Variants in BRDT observed in about 807,000 individuals in gnomAD.
BRDT encodes bromodomain testis associated.
In BRDT, 77 loss-of-function variants were observed where a neutral mutation model predicts 113.9. That is an observed-to-expected ratio of 0.68 (90% confidence interval 0.56 to 0.82). The LOEUF (loss-of-function observed/expected upper bound fraction) is 0.82. BRDT is among the 40% of genes least tolerant of loss of function. The pLI is 0.00. For synonymous variants in BRDT, 358 were observed against 366.5 expected (o/e 0.98, Z 0.26); for missense variants, 1,027 against 1,105.4 (o/e 0.93, Z 1.01).
intron 3 of BRDT, 47 bp from the exon 4 acceptor site, chr1:91,968,099 A>C: frequency 6.3e-7 from 1 of 1,591,104 alleles, no homozygotes; most frequent in Non-Finnish European, 8.6e-7. Context: ...CATTTGGTAC[A>C]GTGACCATAC....
At chr1:91,964,862 C>A in intron 3 of BRDT, 98 bp downstream of exon 3, 7 of 767,936 alleles carry the variant, frequency 9.1e-6, no homozygotes, top group East Asian at 3.4e-5. Context: ...CAATTCTCTT[C>A]GTTTGAGATA....
In BRDT at chr1:91,994,271, TA is replaced by T; in HGVS notation, c.2287+20del. The T allele has an allele frequency of 6.4e-7, 1 of 1,571,292 alleles. No individual in the cohort carries two copies. The highest frequency in any genetic ancestry group is 1.2e-5 in the South Asian group (1 of 85,682). On this transcript the variant is annotated intron_variant, in intron 15 of 18. Transcript: ENST00000399546. ...CTCCCTCAGGTAAGAAATTAACAAG[TA>T]AACAACTGTTATTGAGAAATTGACT... is the stretch of plus-strand genomic sequence containing the variant.
At chr1:92,009,956 G>A (rs1362382351) in intron 18 of BRDT, among the ~76,000 whole-genome samples, 4 of 151,992 alleles carry the variant, frequency 2.6e-5, no homozygotes, top group African/African-American at 9.7e-5. Flanking sequence ...AAAGGTACTT[G>A]TTCACTGTCT....
chr1:92,009,511 A>G (rs1194046483), intron 18 of BRDT, among the ~76,000 whole-genome samples: 1 of 150,520 alleles, frequency 6.6e-6, no homozygotes, highest in Non-Finnish European at 1.5e-5. Context: ...TAAAGCTGCC[A>G]TAAACATTTG....
intron 1 of BRDT, among the ~76,000 whole-genome samples, chr1:91,957,086 G>C (rs1225404797): frequency 6.6e-6 from 1 of 152,212 alleles, no homozygotes; most frequent in East Asian, 1.9e-4. Context: ...ACTGAGGAAG[G>C]CCAGTGAGGG....
At chr1:91,970,910 CAAAAAAA>C (rs56365341) in intron 4 of BRDT, among the ~76,000 whole-genome samples, 4 of 113,954 alleles carry the variant, frequency 3.5e-5, no homozygotes, top group East Asian at 5.5e-4. Flanking sequence ...GACCCTTTCT[CAAAAAAA>C]AAAAAAAAAA....
intron 12 of BRDT, among the ~76,000 whole-genome samples, chr1:91,983,968 C>A (rs1684967280): frequency 6.6e-6 from 1 of 152,146 alleles, no homozygotes; most frequent in African/African-American, 2.4e-5. Context: ...CTGTGCCCAG[C>A]CTGAAGTGGC....
intron 12 of BRDT, among the ~76,000 whole-genome samples, chr1:91,986,628 T>C (rs1685265068): frequency 6.6e-6 from 1 of 152,224 alleles, no homozygotes; most frequent in Non-Finnish European, 1.5e-5. Context: ...TATAAGTTCT[T>C]TAAATAACAT....
At chr1:91,992,859 G>A (rs963581834) in intron 14 of BRDT, among the ~76,000 whole-genome samples, 1 of 152,134 alleles carries the variant, frequency 6.6e-6, no homozygotes, top group African/African-American at 2.4e-5. Flanking sequence ...TGAATAGGAA[G>A]AAGTTATAGA....
chr1:91,969,098 T>C (rs1683361664), intron 4 of BRDT, among the ~76,000 whole-genome samples: 1 of 151,674 alleles, frequency 6.6e-6, no homozygotes, highest in South Asian at 2.1e-4. Flanking sequence ...CACCACGCCC[T>C]GCTAATTTTT....
chr1:92,008,195 G>A (rs1169346324), intron 18 of BRDT, among the ~76,000 whole-genome samples: 1 of 152,152 alleles, frequency 6.6e-6, no homozygotes, highest in Non-Finnish European at 1.5e-5. Flanking sequence ...TGGGATTATA[G>A]GCATGAGCCA....
chr1:91,983,717 C>G (rs1360601142), intron 12 of BRDT, among the ~76,000 whole-genome samples: 1 of 147,200 alleles, frequency 6.8e-6, no homozygotes, highest in Non-Finnish European at 1.5e-5. Flanking sequence ...GAGACGGATT[C>G]TCACTCTGTC....
chr1:91,964,878 CGTGTGTGTGTGTGT>C (rs59328937), intron 3 of BRDT, 114 bp downstream of exon 3: 6 of 344,244 alleles, frequency 1.7e-5, no homozygotes, highest in Admixed American at 1.1e-4. Context: ...AGATACTTGA[CGTGTGTGTGTGTGT>C]GTGTGTGTGT....
chr1:91,953,833 C>A (rs1256972511), intron 1 of BRDT, among the ~76,000 whole-genome samples: 1 of 152,120 alleles, frequency 6.6e-6, no homozygotes, highest in Non-Finnish European at 1.5e-5. Flanking sequence ...TTTTCATTAT[C>A]ATTTATGATA....
intron 12 of BRDT, among the ~76,000 whole-genome samples, chr1:91,986,181 C>T (rs1157295316): frequency 1.3e-5 from 2 of 152,170 alleles, no homozygotes; most frequent in East Asian, 1.9e-4. Flanking sequence ...ATGCATGTAT[C>T]TTATGTTGAC....
At chr1:92,006,090 G>A (rs1022747521) in intron 18 of BRDT, among the ~76,000 whole-genome samples, 8 of 152,106 alleles carry the variant, frequency 5.3e-5, no homozygotes, top group East Asian at 1.9e-4. Flanking sequence ...CATTGTGGTC[G>A]TACACATATC....
intron 4 of BRDT, among the ~76,000 whole-genome samples, chr1:91,971,251 C>T (rs533748888): frequency 6.6e-6 from 1 of 152,220 alleles, no homozygotes; most frequent in East Asian, 1.9e-4. Context: ...CACCAGGCCC[C>T]ACCACCAACA....
At chr1:91,996,268 A>G (rs559661114) in intron 15 of BRDT, among the ~76,000 whole-genome samples, 4 of 152,102 alleles carry the variant, frequency 2.6e-5, no homozygotes, top group Admixed American at 6.5e-5. Flanking sequence ...TATTTTTTTG[A>G]CACAGAGTCT....
chr1:91,985,724 C>T (rs1323149396), intron 12 of BRDT, among the ~76,000 whole-genome samples: 2 of 148,748 alleles, frequency 1.3e-5, no homozygotes, highest in African/African-American at 2.5e-5. Context: ...CTGCAAGCTC[C>T]GCCTCCCGGG....
Sources: gnomAD v4.1 joint callset for allele counts (sites outside exome capture counted in the v4.1 genomes callset) on GRCh38, gnomAD v4.1.1 for gene constraint, MANE v1.5 for transcripts, NCBI Gene and HGNC (gene_info 2026-07-23, HGNC 2026-07-21) for gene names.